The following HOOK1 variants were observed in gnomAD, a reference collection of about 807,000 sequenced individuals.
The protein encoded by HOOK1 is hook microtubule tethering protein 1, also known as protein Hook homolog 1.
A neutral mutation model predicts 112.8 loss-of-function variants in HOOK1; 60 were observed. The ratio of observed to expected loss-of-function variants is 0.53; its 90% CI spans 0.43 to 0.66. The LOEUF (loss-of-function observed/expected upper bound fraction) is 0.66. HOOK1 is among the 30% of genes least tolerant of loss of function. The pLI is 0.00. For missense variants in HOOK1, 770 were observed against 856.0 expected (o/e 0.90, Z 1.25); for synonymous variants, 294 against 283.8 (o/e 1.04, Z -0.36).
At chr1:59,848,103 T>C (rs898040154) in intron 10 of HOOK1, among the ~76,000 whole-genome samples, 2 of 151,688 alleles carry the variant, frequency 1.3e-5, no homozygotes, top group Non-Finnish European at 3.0e-5. Context: ...TTTTGATGGC[T>C]TTATACCAAA....
intron 19 of HOOK1, among the ~76,000 whole-genome samples, chr1:59,866,673 A>G (rs1643973572): frequency 6.6e-6 from 1 of 152,200 alleles, no homozygotes; most frequent in South Asian, 2.1e-4. Flanking sequence ...TGAAAACAGC[A>G]TAAATCACTT....
chr1:59,821,997 A>G, intron 2 of HOOK1, 54 bp downstream of exon 2: 1 of 1,393,080 alleles, frequency 7.2e-7, no homozygotes, highest in South Asian at 1.2e-5. Context: ...ATACATACCA[A>G]GGAAGAAAAC....
intron 7 of HOOK1, among the ~76,000 whole-genome samples, chr1:59,837,388 G>A (rs2098398460): frequency 6.6e-6 from 1 of 152,082 alleles, no homozygotes; most frequent in Non-Finnish European, 1.5e-5. Flanking sequence ...CCCAATCTGG[G>A]TTATAGAGTA....
intron 3 of HOOK1, among the ~76,000 whole-genome samples, chr1:59,829,071 C>A (rs2098392006): frequency 6.6e-6 from 1 of 152,036 alleles, no homozygotes; most frequent in Non-Finnish European, 1.5e-5. Context: ...CTCTATTAAT[C>A]CCTACCCCCA....
chr1:59,871,362 A>G (rs1473143066), intron 21 of HOOK1, among the ~76,000 whole-genome samples: 1 of 152,202 alleles, frequency 6.6e-6, no homozygotes, highest in Non-Finnish European at 1.5e-5. Flanking sequence ...TACGTATTGA[A>G]GCACAGGTGT....
intron 1 of HOOK1, among the ~76,000 whole-genome samples, chr1:59,817,583 A>T (rs1159586819): frequency 6.6e-6 from 1 of 152,266 alleles, no homozygotes; most frequent in Admixed American, 6.5e-5. Flanking sequence ...CTCAAGCAAC[A>T]GTTCTTCAAG....
chr1:59,861,137 C>CTGA (rs1401511513), intron 15 of HOOK1, among the ~76,000 whole-genome samples: 2 of 152,160 alleles, frequency 1.3e-5, no homozygotes, highest in Non-Finnish European at 2.9e-5. Context: ...TCTCGAACTC[C>CTGA]TGACCTCATG....
At chr1:59,862,944 A>G (rs2098414389) in intron 16 of HOOK1, 67 bp downstream of exon 16, 1 of 870,466 alleles carries the variant, frequency 1.1e-6, no homozygotes, top group South Asian at 1.4e-5. Flanking sequence ...CATGATGTCC[A>G]AATTAATCTT....
intron 12 of HOOK1, 115 bp downstream of exon 12, chr1:59,849,298 A>G (rs1204553100): frequency 1.8e-6 from 1 of 548,710 alleles, no homozygotes. Flanking sequence ...TCCAGATTGA[A>G]TTTTTTGACA....
At chr1:59,822,023 A>G (rs530911128) in intron 2 of HOOK1, 80 bp downstream of exon 2, 2 of 1,146,182 alleles carry the variant, frequency 1.7e-6, no homozygotes, top group Admixed American at 1.8e-5. Flanking sequence ...CTTGAATTCC[A>G]AAGGTTGTTG....
In HOOK1 at chr1:59,870,970, A is replaced by C; in HGVS notation, c.1948-72A>C. The C allele has an allele frequency of 9.1e-6, 9 of 988,252 alleles. No homozygotes were observed. In the South Asian group the frequency reaches 1.2e-4, roughly 13 times the overall value. 61.2% of individuals were successfully genotyped at this position (988,252 alleles called of 1,614,324 possible). A position where few individuals can be genotyped will look rare whatever the true frequency, so the allele number is the denominator to read the frequency against. ...GATTCTCTCAATAATGAACATAGTG[A>C]AGAAATTATTCTATCTTTAGTAATT... On this transcript the variant is annotated intron_variant, in intron 20 of 21. Transcript: ENST00000371208.
chr1:59,848,310 T>G lies in HOOK1; in HGVS notation c.930-5T>G. ...TACAGTAATGCTTAGTCTTTATGAT[T>G]ATAGGGCTACCTCTGATAAAGCAAA... On this transcript the variant is annotated splice_region_variant and splice_polypyrimidine_tract_variant and intron_variant, in intron 10 of 21. Coordinates refer to ENST00000371208, the MANE Select transcript of HOOK1 (RefSeq NM_015888.6). The G allele has an allele frequency of 6.2e-7, 1 of 1,604,942 alleles. No homozygotes were observed. The highest frequency in any genetic ancestry group is 8.5e-7 in the Non-Finnish European group (1 of 1,172,742).
At chr1:59,836,039 CAG>C (rs1392287462) in intron 6 of HOOK1, among the ~76,000 whole-genome samples, 5 of 152,058 alleles carry the variant, frequency 3.3e-5, no homozygotes, top group Non-Finnish European at 5.9e-5. Flanking sequence ...TCTGACCAGA[CAG>C]GAGTTTTTCT....
At chr1:59,870,539 A>G (rs976103872) in intron 20 of HOOK1, among the ~76,000 whole-genome samples, 8 of 152,238 alleles carry the variant, frequency 5.3e-5, no homozygotes, top group Admixed American at 4.6e-4. Context: ...AAAGTATGTC[A>G]GTCTCTGTGA....
intron 1 of HOOK1, 59 bp downstream of exon 1, chr1:59,815,239 G>T: frequency 2.7e-6 from 4 of 1,492,080 alleles, no homozygotes; most frequent in Admixed American, 4.0e-5. Flanking sequence ...GGAGCCTGGG[G>T]CGCCCGGTTC....
rs1242518595 is a variant in HOOK1, at chr1:59,854,033, TATATA to T, written c.1243-4394_1243-4390del. ...ATATATATATATATATATATATATA[TATATA>T]TTTTTTTTTTTTTTTTTTTTTTTTT... On this transcript the variant is annotated intron_variant, in intron 12 of 21. Coordinates refer to ENST00000371208, the MANE Select transcript of HOOK1 (RefSeq NM_015888.6). 4.1e-3 allele frequency among the ~76,000 whole-genome samples: 112 copies of T among 27,168 alleles called. 2 individuals are homozygous for T. Among genetic ancestry groups the T allele is most frequent in the African/African-American group, 0.013 (62 of 4,892 alleles). The allele number at this position is 27,168 out of a possible 152,430, so 17.8% of individuals were successfully genotyped here.
intron 12 of HOOK1, among the ~76,000 whole-genome samples, chr1:59,852,973 T>C (rs948922944): frequency 1.3e-5 from 2 of 151,990 alleles, no homozygotes; most frequent in South Asian, 2.1e-4. Flanking sequence ...TTTAATTCCA[T>C]TGTGGTCAGA....
intron 1 of HOOK1, among the ~76,000 whole-genome samples, chr1:59,820,515 A>T (rs143586107): frequency 7.0e-4 from 107 of 152,168 alleles, no homozygotes; most frequent in African/African-American, 2.5e-3. Flanking sequence ...ATCTCTTCTC[A>T]TGTATCTGTA....
At chr1:59,870,012 G>T (rs1439184557) in intron 20 of HOOK1, among the ~76,000 whole-genome samples, 1 of 152,062 alleles carries the variant, frequency 6.6e-6, no homozygotes, top group Non-Finnish European at 1.5e-5. Flanking sequence ...TAAATCAGAG[G>T]CCAGGGTTGC....
Sources: allele counts gnomAD v4.1 joint callset (sites outside exome capture counted in the v4.1 genomes callset), GRCh38; gene constraint gnomAD v4.1.1; transcripts MANE v1.5; gene names NCBI Gene and HGNC (gene_info 2026-07-23, HGNC 2026-07-21).